DDX23: variants seen among roughly 807,000 people sequenced by gnomAD.
The protein encoded by DDX23 is probable ATP-dependent RNA helicase DDX23.
In DDX23, 33 loss-of-function variants were observed where a neutral mutation model predicts 102.7. That is an observed-to-expected ratio of 0.32 (90% CI 0.24 to 0.43). DDX23 has a LOEUF of 0.43. Ranked by LOEUF, DDX23 falls within the 20% of genes least tolerant of loss-of-function variation. The pLI is 1.00. For missense variants in DDX23, 549 were observed against 1,086.6 expected, an observed-to-expected ratio of 0.51 and a Z score of 6.96; for synonymous variants, 352 against 376.0, an observed-to-expected ratio of 0.94 and a Z score of 0.74.
rs778971733 is a variant in DDX23 at position 48,836,554 on chromosome 12, T to A, written c.1236+15A>T. 2 of 1,609,940 alleles carry A rather than the reference T, an allele frequency of 1.2e-6. No individual in the cohort carries two copies. Among genetic ancestry groups the A allele is most frequent in the East Asian group, 4.5e-5 (2 of 44,872 alleles). ...GAACATGTCAGATCTCTTGGGCCAATCTATCCCTCCTTACCTTGTAGCCAC... is the reference window on the plus strand; with the variant it reads ...GAACATGTCAGATCTCTTGGGCCAAACTATCCCTCCTTACCTTGTAGCCAC... On this transcript the variant is annotated intron_variant, in intron 10 of 16. Coordinates refer to ENST00000308025, the MANE Select transcript of DDX23 (RefSeq NM_004818.3). The surrounding 1 kb of genome is among the most constrained non-coding windows in gnomAD (Gnocchi z 6.1).
At position 48,836,821 on chromosome 12, in the gene DDX23, G is replaced by T; in HGVS notation, c.1011-27C>A. On this transcript the variant is annotated intron_variant, in intron 9 of 16. Coordinates refer to ENST00000308025, the MANE Select transcript of DDX23 (RefSeq NM_004818.3). The surrounding 1 kb of genome is among the most constrained non-coding windows in gnomAD (Gnocchi z 6.1). ...TGGAGCAGGGTGTGAGGAGTAAGTAGAATCAGTGCCCTCCAACTCCTTTCT... is the reference window on the plus strand; with the variant it reads ...TGGAGCAGGGTGTGAGGAGTAAGTATAATCAGTGCCCTCCAACTCCTTTCT... 1 of 1,613,156 alleles carries T rather than the reference G, an allele frequency of 6.2e-7. No individual in the cohort carries two copies. Among genetic ancestry groups the T allele is most frequent in the Non-Finnish European group, 8.5e-7 (1 of 1,179,198 alleles).
At chr12:48,839,415 T>C in intron 5 of DDX23, 1 of 157,728 alleles carries the variant, frequency 6.3e-6, no homozygotes, top group South Asian at 1.9e-4. Context: ...AAAAATTAGC[T>C]GGACGTTGTG....
At chr12:48,843,418 T>C (rs1162526596) in intron 3 of DDX23, among the ~76,000 whole-genome samples, 1 of 151,348 alleles carries the variant, frequency 6.6e-6, no homozygotes, top group Non-Finnish European at 1.5e-5. Context: ...TAAGTTGTGA[T>C]CACACCACTG....
intron 1 of DDX23, among the ~76,000 whole-genome samples, chr12:48,849,348 T>A (rs1160654830): frequency 6.6e-6 from 1 of 151,942 alleles, no homozygotes; most frequent in Non-Finnish European, 1.5e-5. Flanking sequence ...AACAATAAAA[T>A]TTTACATTTA....
chr12:48,833,475 G>A lies in DDX23; in HGVS notation c.1605C>T (p.Asn535=). The A allele has an allele frequency of 6.2e-7, 1 of 1,614,144 alleles. No individual in the cohort carries two copies. The highest frequency in any genetic ancestry group is 1.3e-5 in the African/African-American group (1 of 75,038). Residue 535 remains asparagine, a synonymous_variant, in exon 13 of 17, where the codon AAC becomes AAT. Transcript: ENST00000308025. ...TPGRLIDVLE[N]RYLVLSRCTY... ...TACAGCGGCTCAGCACCAGGTAGCG[G>A]TTCTCCAGCACATCAATCAAACGCC...
chr12:48,830,524 T>C lies in DDX23; in HGVS notation c.2408A>G (p.His803Arg). The change falls in exon 17 of 17, where the codon CAT becomes CGT. Residue 803 changes from histidine to arginine, a missense_variant. Coordinates refer to ENST00000308025, the MANE Select transcript of DDX23 (RefSeq NM_004818.3). This position sits in a 1 kb window ranked among gnomAD's most constrained non-coding sequence, Gnocchi z 4.9. ...PELANHPDAQHKPGTILTKKR... is the reference protein window; with the variant it reads ...PELANHPDAQRKPGTILTKKR... ...CTTGGTGAGGATGGTGCCTGGCTTA[T>C]GCTGGGCATCTGGGTGGTTGGCTAG... is the stretch of plus-strand genomic sequence containing the variant. 1 of 1,613,756 alleles carries C rather than the reference T, an allele frequency of 6.2e-7. No homozygotes were observed. The highest frequency in any genetic ancestry group is 8.5e-7 in the Non-Finnish European group (1 of 1,180,008).
chr12:48,837,756 A>G (rs538403818), intron 6 of DDX23, 99 bp from the exon 7 acceptor site: 537 of 1,557,570 alleles, frequency 3.4e-4, no homozygotes, highest in Admixed American at 8.2e-4. Flanking sequence ...TGAAGAAAAA[A>G]AGGGGTAGAC....
At chr12:48,850,038 A>G (rs1286109768) in intron 1 of DDX23, among the ~76,000 whole-genome samples, 2 of 152,228 alleles carry the variant, frequency 1.3e-5, no homozygotes, top group Non-Finnish European at 1.5e-5. Context: ...TTTAACTGCA[A>G]TGGGGATCTT....
chr12:48,834,844 G>C, intron 11 of DDX23: 1 of 203,866 alleles, frequency 4.9e-6, no homozygotes, highest in Non-Finnish European at 1.0e-5. Flanking sequence ...TGAGGCAGAA[G>C]AATCGCTTGA....
Position 48,840,062 on chromosome 12 carries a change from C to T in DDX23, c.365G>A (p.Arg122Lys). Residue 122 changes from arginine (R) to lysine (K), a missense_variant, in exon 4 of 17, where the codon AGA (arginine) becomes AAA (lysine). By Grantham distance (26) the Arg-to-Lys change is conservative. Coordinates refer to ENST00000308025, the MANE Select transcript of DDX23 (RefSeq NM_004818.3). Reference protein sequence around the residue: ...RGKDFKSRKDRDSKKDEEDEH... With the variant: ...RGKDFKSRKDKDSKKDEEDEH... ...ATCCTCTTCATCCTTCTTAGAGTCT[C>T]TGTCCTTCCGAGATTTAAAGTCTTT... is the stretch of plus-strand genomic sequence containing the variant. 2 of 1,614,204 alleles carry T rather than the reference C, an allele frequency of 1.2e-6. No homozygotes were observed. The highest frequency in any genetic ancestry group is 1.7e-6 in the Non-Finnish European group (2 of 1,180,028).
Position 48,836,965 on chromosome 12 carries a change from C to G in DDX23, c.939G>C (p.Lys313Asn). The change falls in exon 9 of 17, where the codon AAG becomes AAC. Residue 313 changes from lysine to asparagine, a missense_variant. Transcript: ENST00000308025. The surrounding 1 kb of genome is among the most constrained non-coding windows in gnomAD (Gnocchi z 6.1). ...FIAGIDLKQQ[K>N]REQSRFYGDL... ...CTCCATAGAAACGTGACTGCTCTCG[C>G]TTCTGCTGCTTGAGGTCAATGCCTG... 1.2e-6 allele frequency: 2 copies of G among 1,614,064 alleles called. No individual in the cohort carries two copies. The highest frequency in any genetic ancestry group is 1.7e-6 in the Non-Finnish European group (2 of 1,180,024).
At chr12:48,839,787 C>G in intron 5 of DDX23, 57 bp downstream of exon 5, 3 of 1,567,846 alleles carry the variant, frequency 1.9e-6, no homozygotes, top group Non-Finnish European at 2.6e-6. Context: ...GTCACCCAGT[C>G]TGTGGTATTG....
intron 8 of DDX23, 24 bp from the exon 9 acceptor site, chr12:48,837,061 A>C (rs1473391471): frequency 6.2e-7 from 1 of 1,613,110 alleles, no homozygotes; most frequent in East Asian, 2.2e-5. Flanking sequence ...AGAGGAAAAG[A>C]AAAAAGAAGG....
At position 48,837,877 on chromosome 12, in the gene DDX23, G is replaced by C. The variant is rs1938487197; in HGVS notation, c.619+65C>G. ...GAACAGGTTTCTATCTCTCCTAAGAGACACTGTATCTCATCCCACTCTTTC... is the reference window on the plus strand; with the variant it reads ...GAACAGGTTTCTATCTCTCCTAAGACACACTGTATCTCATCCCACTCTTTC... On this transcript the variant is annotated intron_variant, in intron 6 of 16. Coordinates refer to ENST00000308025, the MANE Select transcript of DDX23 (RefSeq NM_004818.3). The C allele has an allele frequency of 1.9e-6, 3 of 1,605,690 alleles. No individual in the cohort carries two copies. The African/African-American group carries it at 4.0e-5, about 22-fold the overall frequency.
At chr12:48,838,115 TGGGAGCAGGGTACAATCACATCA>T in intron 5 of DDX23, 35 bp from the exon 6 acceptor site, 1 of 1,613,228 alleles carries the variant, frequency 6.2e-7, no homozygotes, top group Non-Finnish European at 8.5e-7. Context: ...ACAAAGGATC[TGGGAGCAGGGTACAATCACATCA>T]CTGATGGGGA....
intron 12 of DDX23, 80 bp downstream of exon 12, chr12:48,834,240 C>T (rs776675595): frequency 1.6e-4 from 218 of 1,387,246 alleles, no homozygotes; most frequent in Middle Eastern, 2.1e-4. Flanking sequence ...TACTACTGCA[C>T]ATATATTCCA....
At chr12:48,839,655 C>G (rs187504680) in intron 5 of DDX23, 189 bp downstream of exon 5, 1 of 577,506 alleles carries the variant, frequency 1.7e-6, no homozygotes, top group East Asian at 3.0e-5. Context: ...ATGTGAAGAG[C>G]TGAGGAAGAA....
chr12:48,838,532 C>T (rs542609525), intron 5 of DDX23, among the ~76,000 whole-genome samples: 2 of 147,836 alleles, frequency 1.4e-5, no homozygotes, highest in Non-Finnish European at 3.0e-5. Context: ...CCTGGGCAAA[C>T]GAGCAAGACC....
chr12:48,833,571 T>C (rs1446675141), intron 12 of DDX23, 52 bp from the exon 13 acceptor site: 1 of 1,588,358 alleles, frequency 6.3e-7, no homozygotes, highest in Non-Finnish European at 8.5e-7. Context: ...CCTTCTTTTC[T>C]TTCCTGTGAA....
Sources: gnomAD v4.1 joint callset for allele counts (sites outside exome capture counted in the v4.1 genomes callset) on GRCh38, gnomAD v4.1.1 for gene constraint, Gnocchi (gnomAD v3.1) non-coding constraint, MANE v1.5 for transcripts, NCBI Gene and HGNC (gene_info 2026-07-23, HGNC 2026-07-21) for gene names.